STAG1: variants seen among roughly 807,000 people sequenced by gnomAD.
STAG1 encodes the protein STAG1 cohesin complex component.
In STAG1, 26 loss-of-function variants were observed where a neutral mutation model predicts 170.9. The ratio of observed to expected loss-of-function variants is 0.15; its 90% CI spans 0.11 to 0.21. The LOEUF (loss-of-function observed/expected upper bound fraction) is 0.21. Ranked by LOEUF, STAG1 falls within the 10% of genes least tolerant of loss-of-function variation. STAG1 has a pLI of 1.00. For missense variants in STAG1, 964 were observed against 1,509.5 expected (o/e 0.64, Z 5.99); for synonymous variants, 514 against 497.7 (o/e 1.03, Z -0.44).
At chr3:136,534,827 A>AAT (rs988087510) in intron 6 of STAG1, among the ~76,000 whole-genome samples, 32 of 152,340 alleles carry the variant, frequency 2.1e-4, no homozygotes, top group African/African-American at 6.0e-4. Flanking sequence ...CCACCATGGA[A>AAT]AACAGTGTGG....
chr3:136,625,095 T>C (rs961489153), intron 2 of STAG1, among the ~76,000 whole-genome samples: 1 of 152,228 alleles, frequency 6.6e-6, no homozygotes, highest in Non-Finnish European at 1.5e-5. Context: ...CAACACAGCA[T>C]TGAAAAGGTT....
At chr3:136,513,297 T>C (rs1453848277) in intron 7 of STAG1, among the ~76,000 whole-genome samples, 3 of 151,382 alleles carry the variant, frequency 2.0e-5, no homozygotes, top group South Asian at 2.1e-4. Flanking sequence ...GCATAGGTCA[T>C]AGCGAGCCAA....
chr3:136,737,342 TCCACCCACCTCAGCCTC>T, intron 1 of STAG1: 1 of 373,692 alleles, frequency 2.7e-6, no homozygotes, highest in South Asian at 2.2e-5. Context: ...GACCTCGTGA[TCCACCCACCTCAGCCTC>T]CCAAAGTGCT....
At chr3:136,741,856 A>G (rs1934688340) in intron 1 of STAG1, among the ~76,000 whole-genome samples, 4 of 152,208 alleles carry the variant, frequency 2.6e-5, no homozygotes, top group Admixed American at 2.6e-4. Flanking sequence ...ATAGGTAGAA[A>G]AAGATATATT....
chr3:136,559,845 A>C (rs1410133254), intron 5 of STAG1, among the ~76,000 whole-genome samples: 1 of 152,222 alleles, frequency 6.6e-6, no homozygotes, highest in African/African-American at 2.4e-5. Flanking sequence ...TCAAAATGTG[A>C]GAAGCTATAC....
intron 9 of STAG1, among the ~76,000 whole-genome samples, chr3:136,498,253 C>CAT (rs1319404533): frequency 1.4e-5 from 1 of 70,100 alleles, no homozygotes; most frequent in Non-Finnish European, 2.4e-5. Context: ...TATACATACA[C>CAT]ACACACACAC....
chr3:136,465,380 C>T (rs957881644), intron 12 of STAG1, among the ~76,000 whole-genome samples: 40 of 151,318 alleles, frequency 2.6e-4, no homozygotes, highest in African/African-American at 9.2e-4. Context: ...ACACCACGCT[C>T]AGCTAATTTT....
At chr3:136,736,580 G>A in intron 1 of STAG1, 1 of 1,536,426 alleles carries the variant, frequency 6.5e-7, no homozygotes, top group Non-Finnish European at 9.0e-7. Flanking sequence ...TGGCTTGGAA[G>A]TTTCGCCAGC....
At chr3:136,444,952 C>G (rs1376833784) in intron 14 of STAG1, among the ~76,000 whole-genome samples, 1 of 151,862 alleles carries the variant, frequency 6.6e-6, no homozygotes, top group Non-Finnish European at 1.5e-5. Flanking sequence ...CCTTGACTTC[C>G]TGGGCTCAAG....
At chr3:136,626,357 C>A (rs777276111) in intron 2 of STAG1, among the ~76,000 whole-genome samples, 1 of 147,188 alleles carries the variant, frequency 6.8e-6, no homozygotes, top group Non-Finnish European at 1.5e-5. Context: ...ACCCACGAGG[C>A]GTAGGTTGGC....
intron 23 of STAG1, among the ~76,000 whole-genome samples, chr3:136,375,226 CCAAA>C (rs1310533732): frequency 2.0e-5 from 3 of 152,214 alleles, no homozygotes; most frequent in South Asian, 2.1e-4. Flanking sequence ...AATAAAGCCT[CCAAA>C]CAAATTTAAT....
intron 4 of STAG1, among the ~76,000 whole-genome samples, chr3:136,602,904 T>C (rs928348436): frequency 3.3e-5 from 5 of 152,158 alleles, no homozygotes; most frequent in African/African-American, 9.6e-5. Context: ...TCTATTTTTA[T>C]ATTAAACTTA....
At chr3:136,543,162 C>A (rs1020483856) in intron 5 of STAG1, among the ~76,000 whole-genome samples, 1 of 151,980 alleles carries the variant, frequency 6.6e-6, no homozygotes, top group African/African-American at 2.4e-5. Context: ...GAGAAATGGG[C>A]AGTTGAGGTT....
At chr3:136,695,465 G>A (rs141571916) in intron 1 of STAG1, among the ~76,000 whole-genome samples, 5 of 151,650 alleles carry the variant, frequency 3.3e-5, no homozygotes, top group African/African-American at 9.7e-5. Flanking sequence ...GAGACAGACC[G>A]TAATGTTTAA....
chr3:136,543,695 G>T (rs1041950885), intron 5 of STAG1, among the ~76,000 whole-genome samples: 2 of 152,148 alleles, frequency 1.3e-5, no homozygotes, highest in African/African-American at 4.8e-5. Context: ...CTTTTAAGTG[G>T]TGATAATATC....
intron 1 of STAG1, among the ~76,000 whole-genome samples, chr3:136,749,688 G>A (rs1441479045): frequency 6.7e-6 from 1 of 149,424 alleles, no homozygotes; most frequent in Non-Finnish European, 1.5e-5. Context: ...GGAGGTTGCA[G>A]TGAGCCGAGA....
chr3:136,542,909 G>C (rs959590009), intron 5 of STAG1, among the ~76,000 whole-genome samples: 1 of 152,062 alleles, frequency 6.6e-6, no homozygotes, highest in African/African-American at 2.4e-5. Flanking sequence ...CCCGGTATCA[G>C]ACCCATGGTT....
intron 1 of STAG1, among the ~76,000 whole-genome samples, chr3:136,707,800 A>G (rs1250602479): frequency 1.3e-5 from 2 of 152,218 alleles, no homozygotes; most frequent in Non-Finnish European, 2.9e-5. Flanking sequence ...AGAAAGCAAG[A>G]ATTCACTCAC....
chr3:136,490,207 T>G (rs113253740), intron 9 of STAG1, among the ~76,000 whole-genome samples: 157 of 152,158 alleles, frequency 1.0e-3, no homozygotes, highest in African/African-American at 3.7e-3. Context: ...CACCCCTTTT[T>G]TTTTTGTATT....
Sources: allele counts gnomAD v4.1 joint callset (sites outside exome capture counted in the v4.1 genomes callset), GRCh38; gene constraint gnomAD v4.1.1; transcripts MANE v1.5; gene names NCBI Gene and HGNC (gene_info 2026-07-23, HGNC 2026-07-21).